Variants in ZBTB48 observed in about 807,000 individuals in gnomAD.
ZBTB48 encodes zinc finger and BTB domain-containing protein 48.
In ZBTB48, 35 loss-of-function variants were observed where a neutral mutation model predicts 64.5. That is an observed-to-expected ratio of 0.54 (90% CI 0.41 to 0.72). The LOEUF (loss-of-function observed/expected upper bound fraction) is 0.72. ZBTB48 is among the 30% of genes least tolerant of loss of function. The pLI is 0.00. For synonymous variants in ZBTB48, 442 were observed against 356.7 expected, an observed-to-expected ratio of 1.24 and a Z score of -2.70; for missense variants, 828 against 895.3, an observed-to-expected ratio of 0.92 and a Z score of 0.96.
Position 6,589,132 on chromosome 1 carries a change from G to A in ZBTB48, c.1987G>A (p.Glu663Lys). ...GCTCCCCGGCCAGAGACTGTGTGCAGAGGAGAGCTTCACCGGCCCAGGTGT... is the reference window on the plus strand; with the variant it reads ...GCTCCCCGGCCAGAGACTGTGTGCAAAGGAGAGCTTCACCGGCCCAGGTGT... ...SQLPGQRLCAEESFTGPGVLE... is the reference protein window; with the variant it reads ...SQLPGQRLCAKESFTGPGVLE... Residue 663 changes from glutamate (E) to lysine (K), a missense_variant, in exon 11 of 11, where the codon GAG becomes AAG. By Grantham distance (56) the Glu-to-Lys change is moderately conservative. Transcript: ENST00000377674. 2 of 1,595,008 alleles carry A rather than the reference G, an allele frequency of 1.3e-6. No homozygotes were observed. The highest frequency in any genetic ancestry group is 1.7e-6 in the Non-Finnish European group (2 of 1,172,930).
Position 6,589,165 on chromosome 1 carries a change from C to G in ZBTB48, c.2020C>G (p.Pro674Ala). The change falls in exon 11 of 11, where the codon CCC becomes GCC. Residue 674 changes from proline (P) to alanine (A), a missense_variant. Coordinates refer to ENST00000377674, the MANE Select transcript of ZBTB48 (RefSeq NM_005341.4). ...ESFTGPGVLE[P>A]SLIITAAVPE... is the part of the protein sequence containing the mutation. ...CTTCACCGGCCCAGGTGTCCTGGAG[C>G]CCTCCCTCATCATCACAGCTGCTGT... 1 of 1,554,464 alleles carries G rather than the reference C, an allele frequency of 6.4e-7. No homozygotes were observed. The highest frequency in any genetic ancestry group is 1.2e-5 in the South Asian group (1 of 81,988).
At chr1:6,587,373 G>A in intron 6 of ZBTB48, 82 bp downstream of exon 6, 1 of 1,609,550 alleles carries the variant, frequency 6.2e-7, no homozygotes, top group Admixed American at 1.7e-5. Flanking sequence ...AGCCGGCCAT[G>A]TACTTTCTGT....
intron 5 of ZBTB48, 39 bp from the exon 6 acceptor site, chr1:6,587,166 G>A: frequency 1.9e-6 from 3 of 1,611,018 alleles, no homozygotes; most frequent in Non-Finnish European, 2.5e-6. Context: ...TTTCATGGGT[G>A]CAGGCCGCCC....
In ZBTB48 at chr1:6,589,252, A is replaced by G. The variant is rs918687945; in HGVS notation, c.*40A>G. 1.4e-5 allele frequency: 21 copies of G among 1,481,412 alleles called. No individual in the cohort carries two copies. The highest frequency in any genetic ancestry group is 1.8e-5 in the Non-Finnish European group (20 of 1,122,544). The allele number at this position is 1,481,412 out of a possible 1,614,324, so 91.8% of individuals were successfully genotyped here. A position where few individuals can be genotyped will look rare whatever the true frequency, so the allele number is the denominator to read the frequency against. On this transcript the variant is annotated 3_prime_UTR_variant, in exon 11 of 11. Coordinates refer to ENST00000377674, the MANE Select transcript of ZBTB48 (RefSeq NM_005341.4). The stretch of plus-strand genomic sequence containing the variant: ...CAGAGCCCACTTGGCCCCACCCCTC[A>G]ATAAACCGTGTGGCTTTGGACTCTC...
At chr1:6,587,731 T>A in intron 7 of ZBTB48, 99 bp downstream of exon 7, 1 of 1,528,008 alleles carries the variant, frequency 6.5e-7, no homozygotes, top group Non-Finnish European at 8.8e-7. Flanking sequence ...CACAGATGAG[T>A]GTGCCCTTGG....
chr1:6,587,351 C>T (rs1557426655), intron 6 of ZBTB48, 60 bp downstream of exon 6: 2 of 1,611,980 alleles, frequency 1.2e-6, no homozygotes, highest in Middle Eastern at 3.3e-4. Flanking sequence ...GTGAGCTGTG[C>T]CCAGAGTGGG....
At chr1:6,582,363 T>C in intron 3 of ZBTB48, 64 bp downstream of exon 3, 3 of 1,568,932 alleles carry the variant, frequency 1.9e-6, no homozygotes, top group Non-Finnish European at 2.6e-6. Flanking sequence ...GGAGGGGTCC[T>C]GCACTTCCCA....
intron 7 of ZBTB48, 46 bp from the exon 8 acceptor site, chr1:6,588,014 C>A: frequency 1.2e-6 from 2 of 1,609,900 alleles, no homozygotes; most frequent in Non-Finnish European, 1.7e-6. Flanking sequence ...GCAAGGGGGT[C>A]ACTTCCCTTG....
rs1354250918 is a variant in ZBTB48, at chr1:6,589,110, C to T, written c.1965C>T (p.Leu655=). The T allele has an allele frequency of 6.2e-7, 1 of 1,607,900 alleles. No homozygotes were observed. The change falls in exon 11 of 11, where the codon CTC becomes CTT. Residue 655 remains leucine, a synonymous_variant. Coordinates refer to ENST00000377674, the MANE Select transcript of ZBTB48 (RefSeq NM_005341.4). ...SLAQGGLASQ[L]PGQRLCAEES... is the part of the protein sequence containing the mutation. ...CCCAGGGCGGCCTGGCCTCCCAGCT[C>T]CCCGGCCAGAGACTGTGTGCAGAGG... is the stretch of plus-strand genomic sequence containing the variant.
chr1:6,588,264 C>T lies in ZBTB48; in HGVS notation c.1517-14C>T. The T allele has an allele frequency of 6.2e-7, 1 of 1,608,362 alleles. No homozygotes were observed. The highest frequency in any genetic ancestry group is 8.5e-7 in the Non-Finnish European group (1 of 1,175,816). On this transcript the variant is annotated splice_polypyrimidine_tract_variant and intron_variant, in intron 8 of 10. Coordinates refer to ENST00000377674, the MANE Select transcript of ZBTB48 (RefSeq NM_005341.4). ...GCCAAGGCCACAGGCTGAGCTCTTG[C>T]CTTGTGCCTGCAGCCAGCCTGGACA...
intron 3 of ZBTB48, among the ~76,000 whole-genome samples, chr1:6,583,600 G>GT (rs1557820313): frequency 1.4e-5 from 2 of 141,164 alleles, no homozygotes; most frequent in Non-Finnish European, 3.1e-5. Context: ...CGCCCAGCCT[G>GT]TTATTTTTTT....
At chr1:6,586,674 G>A (rs747935833) in intron 4 of ZBTB48, 21 bp from the exon 5 acceptor site, 9 of 1,527,440 alleles carry the variant, frequency 5.9e-6, no homozygotes. Context: ...TGCCGGCCCT[G>A]CTTGCCCCTC....
Position 6,587,519 on chromosome 1 carries a change from G to C in ZBTB48, c.1266G>C (p.Leu422=). Residue 422 remains leucine, a synonymous_variant, in exon 7 of 11, where the codon CTG becomes CTC. Transcript: ENST00000377674. The stretch of plus-strand genomic sequence containing the variant: ...AGTGCTTCCTGTCTCGGACAGAGCT[G>C]CAGCTGCATGAAGCTTTCAAGCACC... The part of the protein sequence containing the change: ...CAKCFLSRTE[L]QLHEAFKHRG... The C allele has an allele frequency of 6.2e-7, 1 of 1,614,098 alleles. No homozygotes were observed. Among genetic ancestry groups the C allele is most frequent in the Non-Finnish European group, 8.5e-7 (1 of 1,180,024 alleles).
Position 6,584,816 on chromosome 1 carries a change from C to A in ZBTB48, c.933-1103C>A, listed in dbSNP as rs76181861. 7.5e-3 allele frequency among the ~76,000 whole-genome samples: 1,141 copies of A among 152,262 alleles called. 14 individuals are homozygous for A. Among genetic ancestry groups the A allele is most frequent in the African/African-American group, 0.026 (1,086 of 41,546 alleles). On this transcript the variant is annotated intron_variant, in intron 3 of 10. Transcript: ENST00000377674. This position sits in a 1 kb window ranked among gnomAD's most constrained non-coding sequence, Gnocchi z 4.5. ...GCTGTAGAGGAAGAGGATGAGAGAG[C>A]TGCTTGGCCTCTGGAAGGTGGGAGG...
At position 6,580,662 on chromosome 1, in the gene ZBTB48, A is replaced by C. The variant is rs1640410994; in HGVS notation, c.53A>C (p.Lys18Thr). 6.2e-7 allele frequency: 1 copy of C among 1,613,938 alleles called. No individual in the cohort carries two copies. Among genetic ancestry groups the C allele is most frequent in the African/African-American group, 1.3e-5 (1 of 74,892 alleles). ...HSVRVLQELN[K>T]QREKGQYCDA... Reference sequence around the variant, plus strand: ...GTGAGGGTTCTGCAGGAGCTCAACAAGCAGCGGGAGAAGGGCCAGTACTGC... The same window carrying C: ...GTGAGGGTTCTGCAGGAGCTCAACACGCAGCGGGAGAAGGGCCAGTACTGC... Residue 18 changes from lysine (K) to threonine (T), a missense_variant, in exon 2 of 11, where the codon AAG becomes ACG. By Grantham distance (78) the Lys-to-Thr change is moderately conservative. Coordinates refer to ENST00000377674, the MANE Select transcript of ZBTB48 (RefSeq NM_005341.4). This position sits in a 1 kb window ranked among gnomAD's most constrained non-coding sequence, Gnocchi z 5.2.
chr1:6,581,960 C>A, intron 2 of ZBTB48, 98 bp from the exon 3 acceptor site: 1 of 1,548,692 alleles, frequency 6.5e-7, no homozygotes, highest in South Asian at 1.2e-5. Flanking sequence ...AGGGACTTGT[C>A]AGGGTTGGGG....
At position 6,586,747 on chromosome 1, in the gene ZBTB48, G is replaced by A. The variant is rs753725004; in HGVS notation, c.1097G>A (p.Arg366Gln). 3.1e-6 allele frequency: 5 copies of A among 1,594,824 alleles called. No individual in the cohort carries two copies. The highest frequency in any genetic ancestry group is 2.2e-5 in the South Asian group (2 of 89,344). ...QETFRRRMEL[R>Q]VHMVSHTGEM... ...ACATTCCGCCGAAGGATGGAGCTGCGGGTGCACATGGTGTCTCACACAGGG... is the reference window on the plus strand; with the variant it reads ...ACATTCCGCCGAAGGATGGAGCTGCAGGTGCACATGGTGTCTCACACAGGG... The change falls in exon 5 of 11, where the codon CGG becomes CAG. Residue 366 changes from arginine to glutamine, a missense_variant. Coordinates refer to ENST00000377674, the MANE Select transcript of ZBTB48 (RefSeq NM_005341.4).
In ZBTB48 at chr1:6,581,020, T is replaced by A; in HGVS notation, c.411T>A (p.Asn137Lys). 6.2e-7 allele frequency: 1 copy of A among 1,613,338 alleles called. No homozygotes were observed. The highest frequency in any genetic ancestry group is 8.5e-7 in the Non-Finnish European group (1 of 1,180,008). The change falls in exon 2 of 11, where the codon AAT (asparagine) becomes AAA (lysine). Residue 137 changes from asparagine (N) to lysine (K), a missense_variant. Asn to Lys is a moderately conservative substitution (Grantham distance 94). Transcript: ENST00000377674. ...GGCTGGGGCCCCCTGCCTCCCAGAATGTGAACAGCCACGTCAAGGAGCCGG... is the reference window on the plus strand; with the variant it reads ...GGCTGGGGCCCCCTGCCTCCCAGAAAGTGAACAGCCACGTCAAGGAGCCGG... ...QSGLGPPASQ[N>K]VNSHVKEPAG...
At chr1:6,588,249 C>T (rs527707002) in intron 8 of ZBTB48, 29 bp from the exon 9 acceptor site, 1 of 1,611,274 alleles carries the variant, frequency 6.2e-7, no homozygotes, top group South Asian at 1.1e-5. Context: ...GCCAAGGCCA[C>T]AGGCTGAGCT....
Sources: allele counts gnomAD v4.1 joint callset (sites outside exome capture counted in the v4.1 genomes callset), GRCh38; gene constraint gnomAD v4.1.1; non-coding constraint Gnocchi (gnomAD v3.1); transcripts MANE v1.5; gene names NCBI Gene and HGNC (gene_info 2026-07-23, HGNC 2026-07-21).